The following RHOU variants were observed in gnomAD, a reference collection of about 807,000 sequenced individuals.
The protein encoded by RHOU is rho-related GTP-binding protein RhoU.
Under a neutral mutation model 12.6 loss-of-function variants are expected in RHOU, and 8 were observed. That is an observed-to-expected ratio of 0.64 (90% CI 0.37 to 1.15). RHOU has a LOEUF of 1.15. RHOU is among the 50% of genes most tolerant of loss of function. The pLI is 0.01. For missense variants in RHOU, 258 were observed against 347.0 expected (o/e 0.74, Z 2.04); for synonymous variants, 161 against 147.4 (o/e 1.09, Z -0.67).
the RHOU span, among the ~76,000 whole-genome samples, chr1:228,676,482 G>A: frequency 1.3e-5 from 2 of 152,090 alleles, no homozygotes; most frequent in Non-Finnish European, 2.9e-5. Context: ...AATATGGTGA[G>A]TCTCCATCTC....
chr1:228,714,623 T>C, the RHOU span, among the ~76,000 whole-genome samples: 1 of 152,128 alleles, frequency 6.6e-6, no homozygotes, highest in Admixed American at 6.6e-5. Context: ...TAGCCTCTTG[T>C]GATTTATTTT....
chr1:228,700,858 C>T, the RHOU span, among the ~76,000 whole-genome samples: 14 of 152,074 alleles, frequency 9.2e-5, no homozygotes, highest in East Asian at 9.7e-4. Context: ...AGACCGAGGC[C>T]GGTGGATTGC....
chr1:228,734,677 G>C (rs1662556140), upstream of RHOU, among the ~76,000 whole-genome samples: 1 of 152,108 alleles, frequency 6.6e-6, no homozygotes, highest in South Asian at 2.1e-4. Flanking sequence ...ACACCCCCAG[G>C]ACTCTTGGTA....
At chr1:228,718,281 G>A in the RHOU span, among the ~76,000 whole-genome samples, 1 of 152,216 alleles carries the variant, frequency 6.6e-6, no homozygotes, top group Non-Finnish European at 1.5e-5. Flanking sequence ...AAGATGGTAG[G>A]ATGATGCAAA....
the RHOU span, among the ~76,000 whole-genome samples, chr1:228,697,044 G>C: frequency 6.6e-6 from 1 of 152,144 alleles, no homozygotes; most frequent in Non-Finnish European, 1.5e-5. Context: ...TGACTAGATG[G>C]TTTGATGATC....
chr1:228,659,982 CAAGA>C, the RHOU span, among the ~76,000 whole-genome samples: 6 of 128,818 alleles, frequency 4.7e-5, no homozygotes, highest in Non-Finnish European at 1.0e-4. Flanking sequence ...AAAAAAAAAA[CAAGA>C]AAGAAAGAAA....
At chr1:228,707,105 C>CATATATATATATATATATATATACAT in the RHOU span, among the ~76,000 whole-genome samples, 1 of 70,844 alleles carries the variant, frequency 1.4e-5, no homozygotes, top group African/African-American at 7.4e-5. Flanking sequence ...TATATACATA[C>CATATATATATATATATATATATACAT]ATATATATAT....
chr1:228,696,591 G>T, the RHOU span, among the ~76,000 whole-genome samples: 2 of 152,082 alleles, frequency 1.3e-5, no homozygotes, highest in Non-Finnish European at 2.9e-5. Context: ...CTGTCACCCA[G>T]GCTGGAGTGC....
the RHOU span, among the ~76,000 whole-genome samples, chr1:228,693,542 C>T: frequency 6.6e-6 from 1 of 152,184 alleles, no homozygotes; most frequent in Non-Finnish European, 1.5e-5. Flanking sequence ...TCTCAGCTCA[C>T]TGCAACCTCT....
chr1:228,693,950 G>C, the RHOU span, among the ~76,000 whole-genome samples: 9 of 152,274 alleles, frequency 5.9e-5, no homozygotes, highest in East Asian at 1.2e-3. Context: ...TCAAAGATTT[G>C]ACTTTTATAG....
upstream of RHOU, among the ~76,000 whole-genome samples, chr1:228,733,049 G>T (rs1662525752): frequency 6.6e-6 from 1 of 152,144 alleles, no homozygotes; most frequent in South Asian, 2.1e-4. Context: ...AGTTTTGTAA[G>T]ATATTTTCTA....
the RHOU span, among the ~76,000 whole-genome samples, chr1:228,666,918 G>C: frequency 6.6e-6 from 1 of 152,220 alleles, no homozygotes; most frequent in Non-Finnish European, 1.5e-5. Flanking sequence ...CCCAGGGTCT[G>C]AGATTTGCAT....
chr1:228,689,985 C>T, the RHOU span, among the ~76,000 whole-genome samples: 1 of 150,136 alleles, frequency 6.7e-6, no homozygotes, highest in Non-Finnish European at 1.5e-5. Flanking sequence ...TCCAGTGTGC[C>T]TGAAACCGGA....
the RHOU span, among the ~76,000 whole-genome samples, chr1:228,703,342 T>C: frequency 1.4e-4 from 22 of 152,002 alleles, no homozygotes; most frequent in Non-Finnish European, 3.2e-4. Context: ...CTGGCTAACA[T>C]GGTGAAACCC....
chr1:228,743,465 G>T lies in RHOU; in HGVS notation c.502G>T (p.Asp168Tyr). The T allele has an allele frequency of 6.2e-7, 1 of 1,614,212 alleles. No individual in the cohort carries two copies. The highest frequency in any genetic ancestry group is 8.5e-7 in the Non-Finnish European group (1 of 1,180,044). The change falls in exon 3 of 3, where the codon GAT becomes TAT. Residue 168 changes from aspartate to tyrosine, a missense_variant. By Grantham distance (160) the Asp-to-Tyr change is radical. Coordinates refer to ENST00000366691, the MANE Select transcript of RHOU (RefSeq NM_021205.6). The surrounding 1 kb of genome is among the most constrained non-coding windows in gnomAD (Gnocchi z 5.1). The stretch of plus-strand genomic sequence containing the variant: ...TGGAACGCAGTCGGATCTCAGAGAA[G>T]ATGTCAAAGTCCTCATTGAGTTGGA... Reference protein sequence around the residue: ...LVGTQSDLREDVKVLIELDKC... With the variant: ...LVGTQSDLREYVKVLIELDKC...
chr1:228,656,984 A>G, the RHOU span, among the ~76,000 whole-genome samples: 221 of 152,304 alleles, frequency 1.5e-3, no homozygotes, highest in African/African-American at 5.2e-3. Flanking sequence ...GTGAAGAAAT[A>G]GAAAAAAGAG....
chr1:228,659,465 A>G, the RHOU span, among the ~76,000 whole-genome samples: 1 of 152,126 alleles, frequency 6.6e-6, no homozygotes, highest in East Asian at 1.9e-4. Flanking sequence ...AGAAAAGAAA[A>G]AAATTAAACC....
At chr1:228,719,978 G>A in the RHOU span, among the ~76,000 whole-genome samples, 4 of 152,158 alleles carry the variant, frequency 2.6e-5, no homozygotes, top group Middle Eastern at 6.8e-3. Flanking sequence ...AAAAAAGTTA[G>A]ACATAAGCAC....
intron 1 of RHOU, among the ~76,000 whole-genome samples, chr1:228,736,260 C>CAAAA (rs1204392489): frequency 0.095 from 6,720 of 70,478 alleles, 339 homozygotes; most frequent in East Asian, 0.26. Flanking sequence ...AGAGCCTTGC[C>CAAAA]AAAAAAAAAA....
Sources: allele counts gnomAD v4.1 joint callset (sites outside exome capture counted in the v4.1 genomes callset), GRCh38; gene constraint gnomAD v4.1.1; non-coding constraint Gnocchi (gnomAD v3.1); transcripts MANE v1.5; gene names NCBI Gene and HGNC (gene_info 2026-07-23, HGNC 2026-07-21).